Variants in SEC23B observed in about 807,000 individuals in gnomAD.
The protein encoded by SEC23B is SEC23 homolog B, COPII component, also known as protein transport protein Sec23B.
SEC23B carries 77 observed loss-of-function variants against 104.3 expected under a neutral mutation model. The observed-to-expected ratio is 0.74, with a 90% confidence interval of 0.61 to 0.89. SEC23B has a LOEUF of 0.89. Among genes scored for constraint, SEC23B ranks in the 40% least tolerant of loss-of-function variants. SEC23B has a pLI of 0.00. For missense variants in SEC23B, 885 were observed against 949.4 expected (o/e 0.93, Z 0.89); for synonymous variants, 338 against 332.5 (o/e 1.02, Z -0.18).
chr20:18,542,247 G>C, intron 12 of SEC23B, 49 bp from the exon 13 acceptor site: 1 of 1,503,314 alleles, frequency 6.7e-7, no homozygotes, highest in Non-Finnish European at 9.3e-7. Flanking sequence ...CTGTGACCGT[G>C]TTTGAGTTGC....
chr20:18,531,516 C>A (rs564641912), intron 10 of SEC23B, among the ~76,000 whole-genome samples: 1 of 151,904 alleles, frequency 6.6e-6, no homozygotes, highest in African/African-American at 2.4e-5. Context: ...ACTAGCCGGG[C>A]GTGGTGGCAC....
At chr20:18,539,892 G>T (rs2060272711) in intron 12 of SEC23B, among the ~76,000 whole-genome samples, 2 of 149,740 alleles carry the variant, frequency 1.3e-5, no homozygotes, top group Admixed American at 1.3e-4. Context: ...TGATCCGCCT[G>T]CCTTGGCCTC....
chr20:18,542,266 C>T (rs1229914840), intron 12 of SEC23B, 30 bp from the exon 13 acceptor site: 2 of 1,592,882 alleles, frequency 1.3e-6, no homozygotes, highest in Admixed American at 3.3e-5. Context: ...GCGCCTATAA[C>T]AGACAAGGTT....
At chr20:18,546,271 A>T (rs905314504) in intron 15 of SEC23B, among the ~76,000 whole-genome samples, 1 of 152,202 alleles carries the variant, frequency 6.6e-6, no homozygotes, top group Non-Finnish European at 1.5e-5. Context: ...TGAACAGGCA[A>T]AATAGGATCA....
chr20:18,543,110 C>G lies in SEC23B; in HGVS notation c.1603C>G (p.Arg535Gly), dbSNP rs201921350. Residue 535 changes from arginine (R) to glycine (G), a missense_variant, in exon 14 of 20, where the codon CGA becomes GGA. By Grantham distance (125) the Arg-to-Gly change is moderately radical. Coordinates refer to ENST00000650089, the MANE Select transcript of SEC23B (RefSeq NM_006363.6). Reference protein sequence around the residue: ...AVLMARLGVFRAESEEGPDVL... With the variant: ...AVLMARLGVFGAESEEGPDVL... ...GTTGATGGCACGGCTTGGGGTGTTC[C>G]GAGCGGAGTCAGAGGAGGGGCCCGA... 2 of 1,613,998 alleles carry G rather than the reference C, an allele frequency of 1.2e-6. No homozygotes were observed. Among genetic ancestry groups the G allele is most frequent in the Admixed American group, 1.7e-5 (1 of 59,980 alleles).
At chr20:18,554,710 C>G (rs533735396) in intron 18 of SEC23B, among the ~76,000 whole-genome samples, 1 of 151,740 alleles carries the variant, frequency 6.6e-6, no homozygotes, top group Admixed American at 6.6e-5. Flanking sequence ...ACCTGTAGTC[C>G]CAGCTATTCG....
In SEC23B at chr20:18,551,291, C is replaced by T. The variant is rs2060385091; in HGVS notation, c.1992+116C>T. On this transcript the variant is annotated intron_variant, in intron 17 of 19. Coordinates refer to ENST00000650089, the MANE Select transcript of SEC23B (RefSeq NM_006363.6). ...TGTCCTTAACTATGGTTTTTGTTTTCTTCTCTTATTTATTAAGTTAGGTTT... is the reference window on the plus strand; with the variant it reads ...TGTCCTTAACTATGGTTTTTGTTTTTTTCTCTTATTTATTAAGTTAGGTTT... 3.1e-5 allele frequency: 20 copies of T among 654,750 alleles called. No individual in the cohort carries two copies. The South Asian group carries it at 3.4e-4, about 11-fold the overall frequency. The allele number at this position is 654,750 out of a possible 1,614,324, so 40.6% of individuals were successfully genotyped here.
chr20:18,532,000 G>T (rs1313667077), intron 10 of SEC23B, among the ~76,000 whole-genome samples: 2 of 152,232 alleles, frequency 1.3e-5, no homozygotes, highest in African/African-American at 2.4e-5. Flanking sequence ...TGAGGCTGCA[G>T]TGAGCTATGA....
chr20:18,520,234 CA>C (rs35173958), intron 4 of SEC23B, among the ~76,000 whole-genome samples: 55,053 of 151,798 alleles, frequency 0.36, 10,619 homozygotes, highest in South Asian at 0.45. Context: ...AGTTTTTGGA[CA>C]AGTAAAATGG....
intron 9 of SEC23B, among the ~76,000 whole-genome samples, chr20:18,529,171 G>A (rs1281440763): frequency 2.6e-5 from 4 of 152,220 alleles, no homozygotes; most frequent in Non-Finnish European, 5.9e-5. Context: ...ACATGGGGGT[G>A]TGAGAACTGT....
At chr20:18,520,168 G>A (rs975251509) in intron 4 of SEC23B, among the ~76,000 whole-genome samples, 1 of 152,144 alleles carries the variant, frequency 6.6e-6, no homozygotes, top group African/African-American at 2.4e-5. Flanking sequence ...GGGTGGATAG[G>A]CAAAACAATT....
At chr20:18,553,919 A>G (rs1033660275) in intron 17 of SEC23B, among the ~76,000 whole-genome samples, 16 of 81,250 alleles carry the variant, frequency 2.0e-4, no homozygotes, top group African/African-American at 5.2e-4. Flanking sequence ...GAGTGATAAC[A>G]GTGGAAGTGG....
chr20:18,524,945 G>C lies in SEC23B; in HGVS notation c.614G>C (p.Gly205Ala), dbSNP rs762101557. ...LTAKQIQDML[G>A]LTKPAMPMQQ... ...TTTTTTTTTTTTAAGGATATGTTGG[G>C]CCTGACCAAGCCAGCCATGCCCATG... Residue 205 changes from glycine to alanine, a missense_variant, in exon 6 of 20, where the codon GGC becomes GCC. Gly to Ala is a moderately conservative substitution (Grantham distance 60, BLOSUM62 0). Transcript: ENST00000650089. The C allele has an allele frequency of 1.3e-5, 21 of 1,613,540 alleles. No individual in the cohort carries two copies. The highest frequency in any genetic ancestry group is 1.7e-6 in the Non-Finnish European group (2 of 1,179,916).
intron 2 of SEC23B, 38 bp downstream of exon 2, chr20:18,511,094 C>T (rs748919513): frequency 4.0e-5 from 59 of 1,465,650 alleles, no homozygotes; most frequent in African/African-American, 5.6e-5. Flanking sequence ...ATGATAAATA[C>T]AATATATTAT....
At chr20:18,541,091 G>C (rs1029891349) in intron 12 of SEC23B, among the ~76,000 whole-genome samples, 2 of 152,206 alleles carry the variant, frequency 1.3e-5, no homozygotes, top group Non-Finnish European at 2.9e-5. Context: ...GCTTCACCTT[G>C]TGCCATTATG....
At chr20:18,556,826 G>A (rs146485255) in intron 19 of SEC23B, among the ~76,000 whole-genome samples, 51 of 152,218 alleles carry the variant, frequency 3.4e-4, no homozygotes, top group African/African-American at 8.7e-4. Flanking sequence ...TGAAACCCCC[G>A]TCTCTACCAA....
At chr20:18,520,393 G>GCGTGTGAT (rs1181816823) in intron 4 of SEC23B, among the ~76,000 whole-genome samples, 1 of 122,692 alleles carries the variant, frequency 8.2e-6, no homozygotes, top group Non-Finnish European at 1.9e-5. Context: ...ATAGTAATGG[G>GCGTGTGAT]CGTGTGATCG....
rs398035473 is a variant in SEC23B, at chr20:18,508,716, C to CTTT, written c.-15+763_-15+765dup. Among the ~76,000 whole-genome samples the CTTT allele has an allele frequency of 3.0e-3, 289 of 97,472 alleles. 20 individuals are homozygous for CTTT. The highest frequency in any genetic ancestry group is 6.3e-3 in the African/African-American group (153 of 24,278). The allele number at this position is 97,472 out of a possible 152,430, so 63.9% of individuals were successfully genotyped here. A position where few individuals can be genotyped will look rare whatever the true frequency, so the allele number is the denominator to read the frequency against. ...AACCATTAGATGGAGGCAGTAGCTT[C>CTTT]TTTTTTTTTTTTTTTTTTTTTGAGA... is the stretch of plus-strand genomic sequence containing the variant. On this transcript the variant is annotated intron_variant, in intron 1 of 19. Transcript: ENST00000650089.
chr20:18,537,148 T>G (rs2060239343), intron 12 of SEC23B, among the ~76,000 whole-genome samples: 1 of 151,768 alleles, frequency 6.6e-6, no homozygotes, highest in Non-Finnish European at 1.5e-5. Context: ...TGGTGGACTG[T>G]AAACTAGTTC....
Sources: allele counts gnomAD v4.1 joint callset (sites outside exome capture counted in the v4.1 genomes callset), GRCh38; gene constraint gnomAD v4.1.1; transcripts MANE v1.5; gene names NCBI Gene and HGNC (gene_info 2026-07-23, HGNC 2026-07-21).